Variants in APBB2 observed in about 807,000 individuals in gnomAD.
APBB2 encodes amyloid beta precursor protein binding family B member 2.
In APBB2, 38 loss-of-function variants were observed where a neutral mutation model predicts 82.5. The observed-to-expected ratio is 0.46, with a 90% confidence interval of 0.36 to 0.60. APBB2 has a LOEUF of 0.60. APBB2 is among the 20% of genes least tolerant of loss of function. The pLI is 0.00. For missense variants in APBB2, 772 were observed against 972.3 expected, an observed-to-expected ratio of 0.79 and a Z score of 2.74; for synonymous variants, 341 against 368.2, an observed-to-expected ratio of 0.93 and a Z score of 0.85.
intron 2 of APBB2, among the ~76,000 whole-genome samples, chr4:41,133,405 G>C (rs1034769102): frequency 1.3e-5 from 2 of 152,104 alleles, no homozygotes; most frequent in Admixed American, 6.5e-5. Context: ...CAACTGACCT[G>C]CTGTGCCTCA....
chr4:40,835,828 A>G (rs1024060779), intron 12 of APBB2, among the ~76,000 whole-genome samples: 15 of 152,252 alleles, frequency 9.9e-5, no homozygotes, highest in African/African-American at 3.6e-4. Context: ...CTGCGAGAAC[A>G]GGGCAGAGGA....
chr4:41,050,989 T>C (rs9762339), intron 4 of APBB2, among the ~76,000 whole-genome samples: 1 of 151,760 alleles, frequency 6.6e-6, no homozygotes, highest in African/African-American at 2.4e-5. Context: ...GAACAGGGTG[T>C]TTCCCTCGAC....
At chr4:41,123,246 C>G (rs1006142398) in intron 2 of APBB2, among the ~76,000 whole-genome samples, 25 of 151,920 alleles carry the variant, frequency 1.6e-4, no homozygotes, top group African/African-American at 5.6e-4. Context: ...ACTGGCTGAA[C>G]AGTGGCAAGC....
At chr4:41,091,671 T>G (rs1363785151) in intron 3 of APBB2, among the ~76,000 whole-genome samples, 1 of 152,186 alleles carries the variant, frequency 6.6e-6, no homozygotes, top group African/African-American at 2.4e-5. Context: ...ATCTGCGGAG[T>G]AAATGAATGA....
chr4:41,129,022 G>A (rs1324480166), intron 2 of APBB2, among the ~76,000 whole-genome samples: 2 of 151,992 alleles, frequency 1.3e-5, no homozygotes, highest in African/African-American at 4.8e-5. Context: ...CACACACCGT[G>A]TCTTTGACCA....
intron 1 of APBB2, among the ~76,000 whole-genome samples, chr4:41,195,404 G>A: frequency 3.3e-5 from 5 of 152,000 alleles, no homozygotes; most frequent in Admixed American, 3.3e-4. Context: ...TCAACAAACC[G>A]TGCTCGCTCC....
chr4:41,179,774 C>T (rs1426403035), intron 1 of APBB2, among the ~76,000 whole-genome samples: 6 of 152,164 alleles, frequency 3.9e-5, no homozygotes, highest in Admixed American at 6.5e-5. Flanking sequence ...TTTAACACAG[C>T]TGGCTTTATT....
At chr4:41,071,653 C>G (rs1733931390) in intron 3 of APBB2, among the ~76,000 whole-genome samples, 2 of 151,940 alleles carry the variant, frequency 1.3e-5, no homozygotes, top group Admixed American at 6.6e-5. Context: ...TGCACTCCAG[C>G]CTGGGTGACA....
At position 41,035,560 on chromosome 4, in the gene APBB2, G is replaced by A. The variant is rs375187537; in HGVS notation, c.-50-2256C>T. 1.2e-4 allele frequency among the ~76,000 whole-genome samples: 18 copies of A among 152,260 alleles called. No individual in the cohort carries two copies. In the East Asian group the frequency reaches 1.7e-3, roughly 15 times the overall value. ...TTAAATGCTATGCAGAGAAAGAGAT[G>A]AAGTAATAGATACTCAAGAAAATGA... is the stretch of plus-strand genomic sequence containing the variant. On this transcript the variant is annotated intron_variant, in intron 4 of 17. Coordinates refer to ENST00000508593, the MANE Select transcript of APBB2 (RefSeq NM_004307.2).
chr4:40,947,119 C>T (rs1788671012), intron 6 of APBB2, among the ~76,000 whole-genome samples: 1 of 152,212 alleles, frequency 6.6e-6, no homozygotes, highest in African/African-American at 2.4e-5. Context: ...GTCCTGTCTC[C>T]TTTTCAGGGG....
intron 12 of APBB2, among the ~76,000 whole-genome samples, chr4:40,863,454 G>T (rs150447977): frequency 6.6e-6 from 1 of 152,160 alleles, no homozygotes; most frequent in Non-Finnish European, 1.5e-5. Context: ...GGGCCCTGTC[G>T]TTCTAAAAAC....
intron 2 of APBB2, among the ~76,000 whole-genome samples, chr4:41,106,358 T>A (rs139489114): frequency 2.6e-5 from 4 of 152,358 alleles, no homozygotes; most frequent in African/African-American, 9.6e-5. Context: ...TCTCCCTTCA[T>A]TGGTGAACAT....
At chr4:41,157,643 G>C (rs1186916608) in intron 1 of APBB2, among the ~76,000 whole-genome samples, 2 of 152,156 alleles carry the variant, frequency 1.3e-5, no homozygotes, top group Non-Finnish European at 1.5e-5. Context: ...ACAATACAGG[G>C]GCAGTGAGAA....
At chr4:41,196,429 T>C in intron 1 of APBB2, among the ~76,000 whole-genome samples, 1 of 152,166 alleles carries the variant, frequency 6.6e-6, no homozygotes, top group Non-Finnish European at 1.5e-5. Context: ...CCACTTATTA[T>C]CGCAAAGATT....
chr4:40,973,201 G>C (rs1178002805), intron 6 of APBB2, among the ~76,000 whole-genome samples: 1 of 152,174 alleles, frequency 6.6e-6, no homozygotes, highest in Non-Finnish European at 1.5e-5. Flanking sequence ...CTCTTGGCAG[G>C]TTCGACCAAT....
At chr4:40,987,703 C>T (rs924400733) in intron 6 of APBB2, among the ~76,000 whole-genome samples, 3 of 152,110 alleles carry the variant, frequency 2.0e-5, no homozygotes, top group Admixed American at 6.6e-5. Context: ...AGAAGAGCTT[C>T]GGTAAGTAGA....
intron 4 of APBB2, among the ~76,000 whole-genome samples, chr4:41,045,422 T>C (rs1560603304): frequency 6.6e-6 from 1 of 152,130 alleles, no homozygotes; most frequent in Non-Finnish European, 1.5e-5. Context: ...GCCTACCAAG[T>C]AGCTGGGACT....
intron 5 of APBB2, among the ~76,000 whole-genome samples, chr4:41,022,943 A>T (rs532903496): frequency 6.6e-6 from 1 of 152,296 alleles, no homozygotes; most frequent in East Asian, 1.9e-4. Context: ...GTGATCAATG[A>T]TCAGTTAGTT....
rs569198063 is a variant in APBB2, at chr4:41,209,053, C to A, written c.-417+5352G>T. 5.9e-5 allele frequency among the ~76,000 whole-genome samples: 9 copies of A among 152,254 alleles called. 1 individual carries two copies. In the Middle Eastern group the frequency reaches 0.017, roughly 288 times the overall value. On this transcript the variant is annotated intron_variant, in intron 1 of 17. Coordinates refer to ENST00000508593, the MANE Select transcript of APBB2 (RefSeq NM_004307.2). The stretch of plus-strand genomic sequence containing the variant: ...TCTTACTTCCTGCCCAGTTGTGTGA[C>A]TTGACCTTCCACCCTCTATGCCCTT...
Sources: gnomAD v4.1 joint callset for allele counts (sites outside exome capture counted in the v4.1 genomes callset) on GRCh38, gnomAD v4.1.1 for gene constraint, MANE v1.5 for transcripts, NCBI Gene and HGNC (gene_info 2026-07-23, HGNC 2026-07-21) for gene names.